MTAP: variants seen among roughly 807,000 people sequenced by gnomAD.
The protein encoded by MTAP is S-methyl-5'-thioadenosine phosphorylase.
Under a neutral mutation model 33.6 loss-of-function variants are expected in MTAP, and 33 were observed. The observed-to-expected ratio is 0.98, with a 90% CI of 0.74 to 1.31. The LOEUF is 1.31. Among genes scored for constraint, MTAP ranks in the 40% most tolerant of loss-of-function variants. The pLI is 0.00. For missense variants in MTAP, 367 were observed against 360.0 expected (o/e 1.02, Z -0.16); for synonymous variants, 148 against 125.7 (o/e 1.18, Z -1.19).
chr9:21,806,383 TTCAAAGTGGGCGATAA>T lies in MTAP; in HGVS notation c.33+3603_33+3618del, dbSNP rs780847656. Among the ~76,000 whole-genome samples the T allele has an allele frequency of 7.6e-4, 116 of 152,108 alleles. 1 individual carries two copies. Among genetic ancestry groups the T allele is most frequent in the Admixed American group, 2.9e-3 (44 of 15,286 alleles). Reference sequence around the variant, plus strand: ...AAAGATGATGATACTGGTGGATCATTTCAAAGTGGGCGATAAGGGGCCACGAGTGACTCCTTGGAGC... The same window carrying T: ...AAAGATGATGATACTGGTGGATCATTGGGGCCACGAGTGACTCCTTGGAGC... On this transcript the variant is annotated intron_variant, in intron 1 of 7. Coordinates refer to ENST00000644715, the MANE Select transcript of MTAP (RefSeq NM_002451.4).
rs1158772784 is a variant in MTAP, at chr9:21,863,722, T to TA, written c.*1709dup. On this transcript the variant is annotated 3_prime_UTR_variant, in exon 8 of 8. Transcript: ENST00000644715. ...TTGTTTTCTTTTCACTGTAGGCTATTACAGGATACTTCAGGATCAAGATAC... is the reference window on the plus strand; with the variant it reads ...TTGTTTTCTTTTCACTGTAGGCTATTAACAGGATACTTCAGGATCAAGATAC... 1.0e-6 allele frequency: 1 copy of TA among 985,776 alleles called. No homozygotes were observed. The highest frequency in any genetic ancestry group is 1.7e-5 in the African/African-American group (1 of 57,244). The allele number at this position is 985,776 out of a possible 1,614,324, so 61.1% of individuals were successfully genotyped here. A position where few individuals can be genotyped will look rare whatever the true frequency, so the allele number is the denominator to read the frequency against.
chr9:21,916,391 C>T (rs1211513835), intron 1 of MTAP, among the ~76,000 whole-genome samples: 1 of 152,062 alleles, frequency 6.6e-6, no homozygotes, highest in Non-Finnish European at 1.5e-5. Context: ...GGGTGGATCA[C>T]TTGATGTCAG....
chr9:21,850,848 C>T (rs1278221694), intron 5 of MTAP, among the ~76,000 whole-genome samples: 1 of 152,160 alleles, frequency 6.6e-6, no homozygotes, highest in East Asian at 1.9e-4. Flanking sequence ...ATATATATGA[C>T]TGGGCTCAAG....
intron 5 of MTAP, among the ~76,000 whole-genome samples, chr9:21,851,986 A>C (rs1825523064): frequency 6.6e-6 from 1 of 152,130 alleles, no homozygotes; most frequent in African/African-American, 2.4e-5. Flanking sequence ...CATGTGAGTT[A>C]ATACTTAATA....
In MTAP at chr9:21,922,551, A is replaced by T. The variant is rs58869398; in HGVS notation, c.148-8457A>T. On this transcript the variant is annotated intron_variant, in intron 1 of 1. Coordinates refer to the MTAP transcript ENST00000577563. The surrounding 1 kb of genome is among the most constrained non-coding windows in gnomAD (Gnocchi z 4.8). The stretch of plus-strand genomic sequence containing the variant: ...ATTCTTTCCTTTGAAGAGGCAAGAA[A>T]CAAGTTCTTGCAGACCCATACAGAT... Among the ~76,000 whole-genome samples the T allele has an allele frequency of 0.12, 18,674 of 152,174 alleles. 3,584 individuals carry two copies. Among genetic ancestry groups the T allele is most frequent in the African/African-American group, 0.41 (16,972 of 41,464 alleles).
chr9:21,818,514 G>C (rs540212960), intron 4 of MTAP, among the ~76,000 whole-genome samples: 3 of 151,950 alleles, frequency 2.0e-5, no homozygotes, highest in East Asian at 3.9e-4. Flanking sequence ...TTTTAGTAGA[G>C]ATGGAGTTTC....
intron 2 of MTAP, among the ~76,000 whole-genome samples, chr9:21,815,990 G>C (rs1299498599): frequency 6.6e-6 from 1 of 152,190 alleles, no homozygotes; most frequent in East Asian, 1.9e-4. Flanking sequence ...ATGTGTAACT[G>C]AGCTAGAAAT....
At chr9:21,827,602 A>C (rs1012757831) in intron 4 of MTAP, among the ~76,000 whole-genome samples, 5 of 152,204 alleles carry the variant, frequency 3.3e-5, no homozygotes, top group Non-Finnish European at 5.9e-5. Flanking sequence ...TTTATACCTG[A>C]CATTATATAT....
intron 1 of MTAP, among the ~76,000 whole-genome samples, chr9:21,921,057 T>C (rs1818779449): frequency 1.3e-5 from 2 of 152,190 alleles, no homozygotes; most frequent in Non-Finnish European, 2.9e-5. Flanking sequence ...GGGAGACTTT[T>C]TATTACAGCT....
At chr9:21,884,726 A>C (rs1270581967) in intron 1 of MTAP, among the ~76,000 whole-genome samples, 1 of 152,140 alleles carries the variant, frequency 6.6e-6, no homozygotes, top group Non-Finnish European at 1.5e-5. Flanking sequence ...CCATGACCTC[A>C]TCTAAACCTT....
At chr9:21,914,054 A>C (rs1229839166) in intron 1 of MTAP, among the ~76,000 whole-genome samples, 1 of 152,238 alleles carries the variant, frequency 6.6e-6, no homozygotes, top group Non-Finnish European at 1.5e-5. Context: ...TGGCCATCAG[A>C]GAAATGCAAA....
chr9:21,819,293 C>G (rs893986775), intron 4 of MTAP, among the ~76,000 whole-genome samples: 1 of 152,144 alleles, frequency 6.6e-6, no homozygotes, highest in Non-Finnish European at 1.5e-5. Context: ...CTCCCCACTC[C>G]CCCAACCCCA....
At chr9:21,912,574 A>T (rs1378954630) in intron 1 of MTAP, among the ~76,000 whole-genome samples, 1 of 152,218 alleles carries the variant, frequency 6.6e-6, no homozygotes, top group East Asian at 1.9e-4. Flanking sequence ...CTTCGATAAA[A>T]TTGAACAGCG....
At chr9:21,876,644 G>A (rs147920226) in intron 1 of MTAP, among the ~76,000 whole-genome samples, 2,214 of 152,212 alleles carry the variant, frequency 0.015, 55 homozygotes, top group African/African-American at 0.049. Context: ...CCCATTGCTT[G>A]TTTTTGTCAG....
At chr9:21,875,293 C>T (rs1183864078) in intron 1 of MTAP, among the ~76,000 whole-genome samples, 2 of 152,092 alleles carry the variant, frequency 1.3e-5, no homozygotes, top group African/African-American at 4.8e-5. Context: ...GCCATTCTAA[C>T]TGGTGTGAGA....
chr9:21,924,405 C>G (rs184237768), intron 1 of MTAP, among the ~76,000 whole-genome samples: 13 of 152,276 alleles, frequency 8.5e-5, no homozygotes, highest in African/African-American at 2.9e-4. Flanking sequence ...GCTCCAGGAG[C>G]AGGAATCTTG....
chr9:21,912,083 A>G (rs1300598598), intron 1 of MTAP, among the ~76,000 whole-genome samples: 1 of 152,228 alleles, frequency 6.6e-6, no homozygotes, highest in Admixed American at 6.5e-5. Context: ...TAAACCAGGA[A>G]GAAGTTGAAT....
chr9:21,889,535 G>T (rs925136946), intron 1 of MTAP, among the ~76,000 whole-genome samples: 4 of 152,050 alleles, frequency 2.6e-5, no homozygotes, highest in African/African-American at 9.7e-5. Flanking sequence ...GGAAAGGTCT[G>T]GGACTAAAGG....
At chr9:21,831,629 C>T (rs906510540) in intron 4 of MTAP, among the ~76,000 whole-genome samples, 9 of 152,102 alleles carry the variant, frequency 5.9e-5, no homozygotes, top group Non-Finnish European at 1.0e-4. Flanking sequence ...CACCCAGCTA[C>T]ATATTTTTTA....
Sources: allele counts gnomAD v4.1 joint callset (sites outside exome capture counted in the v4.1 genomes callset), GRCh38; gene constraint gnomAD v4.1.1; non-coding constraint Gnocchi (gnomAD v3.1); transcripts MANE v1.5; gene names NCBI Gene and HGNC (gene_info 2026-07-23, HGNC 2026-07-21).